Variants in ST8SIA5 observed in about 807,000 individuals in gnomAD.
The protein encoded by ST8SIA5 is ST8 alpha-N-acetyl-neuraminide alpha-2,8-sialyltransferase 5.
A neutral mutation model predicts 40.2 loss-of-function variants in ST8SIA5; 24 were observed. The ratio of observed to expected loss-of-function variants is 0.60; its 90% CI spans 0.43 to 0.84. The LOEUF is 0.84. Among genes scored for constraint, ST8SIA5 ranks in the 40% least tolerant of loss-of-function variants. The pLI is 0.00. For synonymous variants in ST8SIA5, 198 were observed against 201.8 expected (o/e 0.98, Z 0.16); for missense variants, 465 against 498.5 (o/e 0.93, Z 0.64).
chr18:46,692,546 G>A (rs1282528206), intron 2 of ST8SIA5, among the ~76,000 whole-genome samples: 1 of 151,910 alleles, frequency 6.6e-6, no homozygotes, highest in Non-Finnish European at 1.5e-5. Flanking sequence ...TGGGCCTACA[G>A]GTGCACCACC....
intron 6 of ST8SIA5, among the ~76,000 whole-genome samples, chr18:46,680,949 C>A (rs935728966): frequency 2.0e-5 from 3 of 152,130 alleles, no homozygotes; most frequent in African/African-American, 7.2e-5. Flanking sequence ...TCTCCTGCAG[C>A]CTCCGTTTCT....
intron 1 of ST8SIA5, among the ~76,000 whole-genome samples, chr18:46,724,989 G>GAGGAAGGAAGGAAGGAAGGA (rs60444300): frequency 2.4e-4 from 24 of 99,734 alleles, no homozygotes; most frequent in Non-Finnish European, 3.1e-4. Flanking sequence ...GAAAGAGAGA[G>GAGGAAGGAAGGAAGGAAGGA]AGGAAGGAAG....
intron 2 of ST8SIA5, among the ~76,000 whole-genome samples, chr18:46,702,768 G>A (rs747244394): frequency 4.6e-5 from 7 of 152,226 alleles, no homozygotes; most frequent in Non-Finnish European, 7.3e-5. Flanking sequence ...AGCTATTAAT[G>A]TCTGTCCCCC....
chr18:46,756,809 TC>T lies in ST8SIA5; in HGVS notation c.-302del. On this transcript the variant is annotated 5_prime_UTR_variant, in exon 1 of 7. It removes the in-frame stop codon of an upstream open reading frame in the 5' UTR. Coordinates refer to ENST00000315087, the MANE Select transcript of ST8SIA5 (RefSeq NM_013305.6). The stretch of plus-strand genomic sequence containing the variant: ...CGCCGGTGCCGGGTAGCCGCCGATT[TC>T]CCCGCGGAGGGGAGACGCCAGGTGC... 1 of 322,448 alleles carries T rather than the reference TC, an allele frequency of 3.1e-6. No homozygotes were observed. The highest frequency in any genetic ancestry group is 5.6e-6 in the Non-Finnish European group (1 of 177,544). The allele number at this position is 322,448 out of a possible 1,614,324, so 20.0% of individuals were successfully genotyped here.
At chr18:46,742,354 A>G (rs957040582) in intron 1 of ST8SIA5, among the ~76,000 whole-genome samples, 5 of 152,160 alleles carry the variant, frequency 3.3e-5, no homozygotes, top group African/African-American at 1.2e-4. Flanking sequence ...AAAATGTTTA[A>G]GTGTAAATTT....
intron 6 of ST8SIA5, among the ~76,000 whole-genome samples, chr18:46,681,299 C>T (rs16939954): frequency 0.011 from 1,676 of 152,182 alleles, 77 homozygotes; most frequent in Admixed American, 0.091. Context: ...CATTAAGCAG[C>T]GTTCCCTCTT....
intron 6 of ST8SIA5, 86 bp downstream of exon 6, chr18:46,681,886 C>T: frequency 1.4e-6 from 2 of 1,414,916 alleles, no homozygotes; most frequent in Non-Finnish European, 2.0e-6. Flanking sequence ...CACCTCCAGA[C>T]TAACAACACT....
At chr18:46,728,790 G>A (rs2039957475) in intron 1 of ST8SIA5, among the ~76,000 whole-genome samples, 1 of 152,200 alleles carries the variant, frequency 6.6e-6, no homozygotes, top group Admixed American at 6.5e-5. Flanking sequence ...GGTCAGTAGA[G>A]GACAGGAAGG....
chr18:46,713,533 G>C (rs528665792), intron 1 of ST8SIA5, among the ~76,000 whole-genome samples: 1 of 152,256 alleles, frequency 6.6e-6, no homozygotes, highest in Admixed American at 6.5e-5. Flanking sequence ...AGAGTGCAGA[G>C]AGAAGAAGAA....
chr18:46,727,907 TA>T (rs2039946869), intron 1 of ST8SIA5, among the ~76,000 whole-genome samples: 1 of 152,202 alleles, frequency 6.6e-6, no homozygotes, highest in South Asian at 2.1e-4. Flanking sequence ...GAAGTCTATA[TA>T]AAACAAACCA....
chr18:46,683,853 T>C (rs2039421177), intron 5 of ST8SIA5, among the ~76,000 whole-genome samples: 1 of 152,160 alleles, frequency 6.6e-6, no homozygotes, highest in Admixed American at 6.5e-5. Context: ...GTGGCAGATA[T>C]TAGGCTCACT....
intron 6 of ST8SIA5, 54 bp from the exon 7 acceptor site, chr18:46,680,564 C>T: frequency 6.7e-7 from 1 of 1,486,860 alleles, no homozygotes; most frequent in African/African-American, 1.4e-5. Flanking sequence ...CCCTCAGGCC[C>T]CTCGCTTCCC....
rs556865114 is a variant in ST8SIA5 at position 46,669,475 on chromosome 18, G to T, written c.*10567C>A. The stretch of plus-strand genomic sequence containing the variant: ...TGGTGAAGGTGTGGAGAAAGTAAAA[G>T]TGTCACTTTCCCCCAGAAATGGTCA... On this transcript the variant is annotated 3_prime_UTR_variant, in exon 7 of 7. Coordinates refer to ENST00000315087, the MANE Select transcript of ST8SIA5 (RefSeq NM_013305.6). 1 of 152,274 alleles carries T rather than the reference G, an allele frequency of 6.6e-6. No homozygotes were observed. Among genetic ancestry groups the T allele is most frequent in the South Asian group, 2.1e-4 (1 of 4,812 alleles). 9.4% of individuals were successfully genotyped at this position (152,274 alleles called of 1,614,324 possible). A position where few individuals can be genotyped will look rare whatever the true frequency, so the allele number is the denominator to read the frequency against.
chr18:46,719,818 T>TTC (rs1387313697), intron 1 of ST8SIA5, among the ~76,000 whole-genome samples: 2 of 48,596 alleles, frequency 4.1e-5, no homozygotes, highest in Admixed American at 2.8e-4. Flanking sequence ...TTTCCTTCCT[T>TTC]TCTCTTTCTT....
intron 2 of ST8SIA5, among the ~76,000 whole-genome samples, chr18:46,692,693 G>A (rs757942796): frequency 6.6e-5 from 10 of 152,014 alleles, no homozygotes; most frequent in Admixed American, 2.0e-4. Flanking sequence ...GTGAGCCACC[G>A]TGCCCACCTG....
chr18:46,680,022 G>C lies in ST8SIA5; in HGVS notation c.*20C>G. ...GCAGGAGAGGGGGCGCCGCTTGCCG[G>C]GCAGCCTGGCTGGCAGCCATCAGCA... On this transcript the variant is annotated 3_prime_UTR_variant, in exon 7 of 7. Transcript: ENST00000315087. 1 of 1,584,432 alleles carries C rather than the reference G, an allele frequency of 6.3e-7. No homozygotes were observed. Among genetic ancestry groups the C allele is most frequent in the Non-Finnish European group, 8.6e-7 (1 of 1,163,764 alleles).
chr18:46,740,390 T>C (rs769882451), intron 1 of ST8SIA5, among the ~76,000 whole-genome samples: 1 of 151,970 alleles, frequency 6.6e-6, no homozygotes, highest in African/African-American at 2.4e-5. Flanking sequence ...CAGAAATAAA[T>C]CCTTAGTCAT....
chr18:46,702,232 A>G (rs1342971536), intron 2 of ST8SIA5, among the ~76,000 whole-genome samples: 4 of 152,110 alleles, frequency 2.6e-5, no homozygotes, highest in Admixed American at 2.6e-4. Context: ...GGATTTGCAC[A>G]GTAAAACATG....
chr18:46,721,533 G>T (rs577996497), intron 1 of ST8SIA5: 17 of 1,366,876 alleles, frequency 1.2e-5, no homozygotes, highest in Non-Finnish European at 1.7e-5. Context: ...GCCTACCAGA[G>T]AGCCACATTC....
Sources: gnomAD v4.1 joint callset for allele counts (sites outside exome capture counted in the v4.1 genomes callset) on GRCh38, gnomAD v4.1.1 for gene constraint, MANE v1.5 for transcripts, NCBI Gene and HGNC (gene_info 2026-07-23, HGNC 2026-07-21) for gene names.